Variants in DPP6 observed in about 807,000 individuals in gnomAD.
DPP6 encodes dipeptidyl peptidase like 6, also known as A-type potassium channel modulatory protein DPP6.
In DPP6, 69 loss-of-function variants were observed where a neutral mutation model predicts 122.6. That is an observed-to-expected ratio of 0.56 (90% CI 0.46 to 0.69). DPP6 has a LOEUF of 0.69. Ranked by LOEUF, DPP6 falls within the 30% of genes least tolerant of loss-of-function variation. DPP6 has a pLI of 0.00. For missense variants in DPP6, 928 were observed against 1,116.9 expected, an observed-to-expected ratio of 0.83 and a Z score of 2.41; for synonymous variants, 418 against 433.1, an observed-to-expected ratio of 0.97 and a Z score of 0.43.
chr7:154,690,275 G>A (rs1563107369), intron 7 of DPP6, among the ~76,000 whole-genome samples: 1 of 152,182 alleles, frequency 6.6e-6, no homozygotes, highest in African/African-American at 2.4e-5. Flanking sequence ...AGTTTTTACA[G>A]AAGGAATTGT....
intron 1 of DPP6, among the ~76,000 whole-genome samples, chr7:154,239,338 G>C (rs940240003): frequency 6.6e-6 from 1 of 152,146 alleles, no homozygotes; most frequent in Non-Finnish European, 1.5e-5. Flanking sequence ...TTTGAACGGA[G>C]CAGTTCCACT....
intron 1 of DPP6, among the ~76,000 whole-genome samples, chr7:154,258,959 T>A (rs1424108705): frequency 6.6e-6 from 1 of 151,848 alleles, no homozygotes; most frequent in African/African-American, 2.4e-5. Flanking sequence ...GCCCCAGAGT[T>A]CACTCGGAGG....
chr7:153,846,425 T>C, the DPP6 span, among the ~76,000 whole-genome samples: 2 of 151,302 alleles, frequency 1.3e-5, no homozygotes, highest in African/African-American at 2.4e-5. Context: ...CTTCTTTCTC[T>C]TAATGGTGTT....
At chr7:154,228,578 C>T (rs79612450) in intron 1 of DPP6, among the ~76,000 whole-genome samples, 13,267 of 152,162 alleles carry the variant, frequency 0.087, 746 homozygotes, top group African/African-American at 0.15. Flanking sequence ...ATCTATTTCT[C>T]TTCATTTTAG....
At chr7:153,962,684 C>T (rs1795413397) in intron 1 of DPP6, among the ~76,000 whole-genome samples, 2 of 152,184 alleles carry the variant, frequency 1.3e-5, no homozygotes, top group Middle Eastern at 3.2e-3. Context: ...ATTTGCTCCT[C>T]CAAATGTTCT....
chr7:154,739,691 C>G (rs143521193), intron 8 of DPP6, among the ~76,000 whole-genome samples: 79 of 152,226 alleles, frequency 5.2e-4, no homozygotes, highest in Middle Eastern at 6.8e-3. Context: ...CTCTTCAATG[C>G]GAAGGTTCGT....
chr7:154,302,491 C>T lies in DPP6; in HGVS notation c.244-143723C>T, dbSNP rs139330677. Among the ~76,000 whole-genome samples the T allele has an allele frequency of 6.6e-4, 100 of 152,306 alleles. 1 individual carries two copies. Among genetic ancestry groups the T allele is most frequent in the Non-Finnish European group, 1.1e-3 (77 of 68,028 alleles). On this transcript the variant is annotated intron_variant, in intron 1 of 25. Coordinates refer to ENST00000377770, the MANE Select transcript of DPP6 (RefSeq NM_130797.4). The stretch of plus-strand genomic sequence containing the variant: ...CTGGCCTGGTTCTCCACCAGTAATT[C>T]CTAAACTTCCCCACCTGGAGGCTCC...
intron 1 of DPP6, among the ~76,000 whole-genome samples, chr7:154,114,859 A>C (rs1806867513): frequency 6.6e-6 from 1 of 152,168 alleles, no homozygotes; most frequent in Admixed American, 6.5e-5. Context: ...GAGCATTCAT[A>C]TCTGTGCTAC....
At chr7:153,938,300 T>A (rs1801549871) in intron 1 of DPP6, among the ~76,000 whole-genome samples, 1 of 152,180 alleles carries the variant, frequency 6.6e-6, no homozygotes, top group African/African-American at 2.4e-5. Context: ...GACTTCCCAT[T>A]TTAGATGGAA....
chr7:154,104,873 G>T (rs1267872717), intron 1 of DPP6, among the ~76,000 whole-genome samples: 2 of 151,890 alleles, frequency 1.3e-5, no homozygotes, highest in Non-Finnish European at 2.9e-5. Context: ...CTGTGTGTGT[G>T]CCTACATAAC....
intron 16 of DPP6, among the ~76,000 whole-genome samples, chr7:154,831,297 A>G (rs1309073224): frequency 6.6e-6 from 1 of 152,180 alleles, no homozygotes; most frequent in East Asian, 1.9e-4. Context: ...TGAGATCTTC[A>G]ATCACCGGTT....
chr7:153,884,063 A>G (rs934384917), upstream of DPP6, among the ~76,000 whole-genome samples: 3 of 152,202 alleles, frequency 2.0e-5, no homozygotes, highest in African/African-American at 7.2e-5. Context: ...CACAACGTGC[A>G]GGTTTGTTAC....
chr7:154,628,624 C>A (rs1835226494), intron 5 of DPP6, among the ~76,000 whole-genome samples: 1 of 152,136 alleles, frequency 6.6e-6, no homozygotes, highest in Non-Finnish European at 1.5e-5. Flanking sequence ...CTTGTCTCCG[C>A]CCACATTATT....
intron 1 of DPP6, among the ~76,000 whole-genome samples, chr7:154,152,389 C>G (rs1181269515): frequency 4.6e-5 from 7 of 152,168 alleles, no homozygotes; most frequent in African/African-American, 1.7e-4. Context: ...GCTCTCTGGA[C>G]CCTCTGTCTC....
chr7:154,247,202 A>G (rs577030738), intron 1 of DPP6, among the ~76,000 whole-genome samples: 1 of 152,292 alleles, frequency 6.6e-6, no homozygotes, highest in Admixed American at 6.5e-5. Flanking sequence ...AGTTTCAGCT[A>G]CATGGGAGGC....
At chr7:154,224,717 C>T (rs1163845286) in intron 1 of DPP6, among the ~76,000 whole-genome samples, 1 of 149,138 alleles carries the variant, frequency 6.7e-6, no homozygotes, top group African/African-American at 2.6e-5. Context: ...TAAAATTTAC[C>T]AATACTAGGC....
intron 1 of DPP6, among the ~76,000 whole-genome samples, chr7:154,207,326 T>G (rs1455275742): frequency 6.6e-6 from 1 of 152,216 alleles, no homozygotes; most frequent in Non-Finnish European, 1.5e-5. Context: ...AAGTGCAATA[T>G]TTGGAGGATG....
At chr7:154,536,651 G>C (rs1586569278) in intron 3 of DPP6, among the ~76,000 whole-genome samples, 1 of 152,180 alleles carries the variant, frequency 6.6e-6, no homozygotes, top group Admixed American at 6.5e-5. Context: ...CTTCGTGAAG[G>C]AAACTCATAA....
At chr7:154,839,928 C>T (rs963185051) in intron 16 of DPP6, among the ~76,000 whole-genome samples, 5 of 152,084 alleles carry the variant, frequency 3.3e-5, no homozygotes, top group Non-Finnish European at 4.4e-5. Context: ...TGTAAACCCT[C>T]GGGCAGGAGA....
Sources: gnomAD v4.1 joint callset for allele counts (sites outside exome capture counted in the v4.1 genomes callset) on GRCh38, gnomAD v4.1.1 for gene constraint, MANE v1.5 for transcripts, NCBI Gene and HGNC (gene_info 2026-07-23, HGNC 2026-07-21) for gene names.